Variants in FTCDNL1 observed in about 807,000 individuals in gnomAD.
FTCDNL1 encodes the protein formiminotransferase cyclodeaminase N-terminal like.
FTCDNL1 carries 11 observed loss-of-function variants against 5.9 expected under a neutral mutation model. The observed-to-expected ratio is 1.87, with a 90% confidence interval of 1.18 to 3.10. FTCDNL1 has a LOEUF of 3.10. FTCDNL1 is among the 30% of genes most tolerant of loss of function. FTCDNL1 has a pLI of 0.00. For missense variants in FTCDNL1, 115 were observed against 65.5 expected (o/e 1.76, Z -2.61); for synonymous variants, 58 against 24.8 (o/e 2.34, Z -3.99).
the FTCDNL1 span, among the ~76,000 whole-genome samples, chr2:199,716,033 TAAAAAAAAAA>T: frequency 9.2e-6 from 1 of 108,938 alleles, no homozygotes; most frequent in Non-Finnish European, 1.8e-5. Context: ...TGCCTCTAGT[TAAAAAAAAAA>T]AAAAAAAAAA....
At chr2:199,710,741 A>G in the FTCDNL1 span, among the ~76,000 whole-genome samples, 2 of 152,106 alleles carry the variant, frequency 1.3e-5, no homozygotes, top group African/African-American at 4.8e-5. Context: ...TAGCTCTTTA[A>G]ATTAGATTAT....
the FTCDNL1 span, among the ~76,000 whole-genome samples, chr2:199,694,363 C>G: frequency 6.6e-6 from 1 of 152,182 alleles, no homozygotes; most frequent in South Asian, 2.1e-4. Context: ...CAGTTATTAG[C>G]TACAATTTTT....
At position 199,810,987 on chromosome 2, in the gene FTCDNL1, G is replaced by A. The variant is rs550660382; in HGVS notation, c.*1718C>T. 8.5e-5 allele frequency among the ~76,000 whole-genome samples: 13 copies of A among 152,212 alleles called. 1 individual carries two copies. The South Asian group carries it at 2.5e-3, about 29-fold the overall frequency. Reference sequence around the variant, plus strand: ...CCTGGCTACTCTCATACTAATAGATGTTTTACAGAAAATCAGCACACGGAA... The same window carrying A: ...CCTGGCTACTCTCATACTAATAGATATTTTACAGAAAATCAGCACACGGAA... On this transcript the variant is annotated 3_prime_UTR_variant, in exon 5 of 5. Transcript: ENST00000420128.
chr2:199,744,183 C>T, the FTCDNL1 span, among the ~76,000 whole-genome samples: 2 of 152,172 alleles, frequency 1.3e-5, no homozygotes, highest in Admixed American at 6.5e-5. Flanking sequence ...ATGCCCCCTC[C>T]GTGCTGACAC....
chr2:199,679,242 T>C, the FTCDNL1 span, among the ~76,000 whole-genome samples: 1 of 152,166 alleles, frequency 6.6e-6, no homozygotes, highest in Admixed American at 6.5e-5. Context: ...TTCCCTTTTA[T>C]TCATTTTTCT....
At chr2:199,845,662 T>C (rs2076713035) in intron 3 of FTCDNL1, among the ~76,000 whole-genome samples, 2 of 152,098 alleles carry the variant, frequency 1.3e-5, no homozygotes, top group African/African-American at 4.8e-5. Context: ...ACATGTCAAC[T>C]CATGGCCCAA....
At chr2:199,829,799 G>C (rs1702254884) in intron 3 of FTCDNL1, among the ~76,000 whole-genome samples, 1 of 152,076 alleles carries the variant, frequency 6.6e-6, no homozygotes, top group South Asian at 2.1e-4. Context: ...CATTCGTTTT[G>C]TTATATTTCT....
intron 3 of FTCDNL1, among the ~76,000 whole-genome samples, chr2:199,781,556 A>G (rs1699361031): frequency 6.6e-6 from 1 of 152,164 alleles, no homozygotes; most frequent in East Asian, 1.9e-4. Context: ...ATTCTGTAGA[A>G]TATCTAGGCA....
At chr2:199,738,497 G>A in the FTCDNL1 span, among the ~76,000 whole-genome samples, 2 of 152,148 alleles carry the variant, frequency 1.3e-5, no homozygotes, top group Non-Finnish European at 2.9e-5. Context: ...TGAAGATCAC[G>A]TTTAATGGAA....
At chr2:199,735,136 C>CA in the FTCDNL1 span, among the ~76,000 whole-genome samples, 1 of 92,376 alleles carries the variant, frequency 1.1e-5, no homozygotes, top group Non-Finnish European at 2.0e-5. Flanking sequence ...AAAAAAAAAA[C>CA]CACATTATTT....
chr2:199,731,369 G>A, the FTCDNL1 span, among the ~76,000 whole-genome samples: 2 of 152,086 alleles, frequency 1.3e-5, no homozygotes, highest in Non-Finnish European at 2.9e-5. Flanking sequence ...ATAAAAAAAT[G>A]TTTTTAAAAT....
the FTCDNL1 span, among the ~76,000 whole-genome samples, chr2:199,707,365 CTATTAA>C: frequency 6.6e-6 from 1 of 151,792 alleles, no homozygotes; most frequent in African/African-American, 2.4e-5. Flanking sequence ...GTAAATATTA[CTATTAA>C]TATTTTCTAT....
the FTCDNL1 span, among the ~76,000 whole-genome samples, chr2:199,677,106 T>C: frequency 6.6e-6 from 1 of 152,346 alleles, no homozygotes; most frequent in East Asian, 1.9e-4. Context: ...CTACGGAGTC[T>C]TGATTTCAAT....
chr2:199,698,369 G>T, the FTCDNL1 span, among the ~76,000 whole-genome samples: 2 of 151,976 alleles, frequency 1.3e-5, no homozygotes, highest in African/African-American at 4.8e-5. Flanking sequence ...CTCTAAAATC[G>T]ACCACACAGT....
chr2:199,671,481 A>G, the FTCDNL1 span, among the ~76,000 whole-genome samples: 9 of 152,284 alleles, frequency 5.9e-5, no homozygotes, highest in African/African-American at 2.2e-4. Flanking sequence ...GAAAGGAAAA[A>G]AAAAACCTCC....
chr2:199,701,602 T>C, the FTCDNL1 span, among the ~76,000 whole-genome samples: 2 of 152,308 alleles, frequency 1.3e-5, no homozygotes, highest in East Asian at 3.9e-4. Context: ...ATGTTGTATA[T>C]ATACACCATG....
chr2:199,691,117 T>G, the FTCDNL1 span, among the ~76,000 whole-genome samples: 1 of 152,218 alleles, frequency 6.6e-6, no homozygotes, highest in Non-Finnish European at 1.5e-5. Flanking sequence ...GCATTTGTTT[T>G]TGGTTAAATA....
At chr2:199,702,047 A>T in the FTCDNL1 span, among the ~76,000 whole-genome samples, 1 of 152,142 alleles carries the variant, frequency 6.6e-6, no homozygotes. Context: ...AAATTAAAAT[A>T]AAATCATATA....
chr2:199,752,740 C>G, the FTCDNL1 span, among the ~76,000 whole-genome samples: 4,582 of 30,570 alleles, frequency 0.15, 178 homozygotes, highest in East Asian at 0.27. Context: ...CTCTCTCTCT[C>G]TGTGTGTGTG....
Sources: allele counts gnomAD v4.1 joint callset (sites outside exome capture counted in the v4.1 genomes callset), GRCh38; gene constraint gnomAD v4.1.1; transcripts MANE v1.5; gene names NCBI Gene and HGNC (gene_info 2026-07-23, HGNC 2026-07-21).